The following DEFB123 variants were observed in gnomAD, a reference collection of about 807,000 sequenced individuals.
DEFB123 encodes beta-defensin 123.
For missense variants in DEFB123, 71 were observed against 75.0 expected, an observed-to-expected ratio of 0.95 and a Z score of 0.20; for synonymous variants, 22 against 28.3, an observed-to-expected ratio of 0.78 and a Z score of 0.71.
At chr20:31,442,316 G>A (rs182539800) in intron 1 of DEFB123, among the ~76,000 whole-genome samples, 8 of 152,252 alleles carry the variant, frequency 5.3e-5, no homozygotes, top group African/African-American at 1.9e-4. Flanking sequence ...CTGGTTACAG[G>A]GAAAAGTAAC....
intron 1 of DEFB123, among the ~76,000 whole-genome samples, chr20:31,445,411 T>A (rs112692260): frequency 4.9e-4 from 75 of 152,356 alleles, no homozygotes; most frequent in African/African-American, 1.8e-3. Flanking sequence ...CCTCATTGTC[T>A]ACTATTTGAT....
intron 1 of DEFB123, among the ~76,000 whole-genome samples, chr20:31,446,286 A>G (rs1014877681): frequency 4.6e-5 from 7 of 152,360 alleles, no homozygotes; most frequent in African/African-American, 1.7e-4. Context: ...AGGAATTAAC[A>G]TCAGGCCTAG....
intron 1 of DEFB123, among the ~76,000 whole-genome samples, chr20:31,448,815 G>A (rs1424355499): frequency 2.0e-5 from 3 of 151,346 alleles, no homozygotes; most frequent in Admixed American, 6.6e-5. Flanking sequence ...AGGTTCAAGC[G>A]ATTCTCCTGC....
chr20:31,446,123 C>T (rs190818521), intron 1 of DEFB123, among the ~76,000 whole-genome samples: 1 of 152,198 alleles, frequency 6.6e-6, no homozygotes. Context: ...CACCAAAGGA[C>T]CTGTGGGTGG....
At chr20:31,449,163 G>C (rs990687589) in intron 1 of DEFB123, among the ~76,000 whole-genome samples, 1 of 149,740 alleles carries the variant, frequency 6.7e-6, no homozygotes, top group Non-Finnish European at 1.5e-5. Context: ...TCATTTCTGT[G>C]TTGGTTGATT....
At chr20:31,440,987 G>C (rs923560162) in intron 1 of DEFB123, among the ~76,000 whole-genome samples, 1 of 152,330 alleles carries the variant, frequency 6.6e-6, no homozygotes, top group African/African-American at 2.4e-5. Flanking sequence ...GGGAGCATGT[G>C]GGGGTGGCCT....
intron 1 of DEFB123, among the ~76,000 whole-genome samples, chr20:31,447,780 CTTT>C (rs34763122): frequency 1.6e-5 from 1 of 64,488 alleles, no homozygotes; most frequent in Non-Finnish European, 2.6e-5. Context: ...ACACACCCGG[CTTT>C]TTTTTTTTTT....
chr20:31,444,805 T>C (rs1979546035), intron 1 of DEFB123, among the ~76,000 whole-genome samples: 1 of 152,156 alleles, frequency 6.6e-6, no homozygotes, highest in South Asian at 2.1e-4. Flanking sequence ...GGACAGAGCA[T>C]TGACAGTCAC....
chr20:31,442,788 T>C (rs1260226987), intron 1 of DEFB123, among the ~76,000 whole-genome samples: 1 of 151,956 alleles, frequency 6.6e-6, no homozygotes, highest in Non-Finnish European at 1.5e-5. Context: ...TTTGTATTTT[T>C]AGTAGGATAC....
At chr20:31,448,532 CT>C (rs1428325846) in intron 1 of DEFB123, among the ~76,000 whole-genome samples, 4 of 117,178 alleles carry the variant, frequency 3.4e-5, no homozygotes, top group Non-Finnish European at 6.1e-5. Context: ...TGACACTCTG[CT>C]CTTTTTTCCC....
intron 1 of DEFB123, among the ~76,000 whole-genome samples, 156 bp from the exon 2 acceptor site, chr20:31,449,873 A>G (rs1979693053): frequency 6.6e-6 from 1 of 152,166 alleles, no homozygotes; most frequent in African/African-American, 2.4e-5. Context: ...GCAAAAAAAC[A>G]GAGTAAAGGA....
intron 1 of DEFB123, among the ~76,000 whole-genome samples, chr20:31,441,862 A>C (rs1026785346): frequency 1.3e-5 from 2 of 152,226 alleles, no homozygotes; most frequent in Non-Finnish European, 2.9e-5. Flanking sequence ...GAGCCCCAAC[A>C]AGAAGCTCAG....
intron 1 of DEFB123, among the ~76,000 whole-genome samples, chr20:31,448,935 T>C (rs1806308589): frequency 6.8e-6 from 1 of 146,438 alleles, no homozygotes; most frequent in Admixed American, 7.0e-5. Context: ...TCCACGTTGG[T>C]CAGGCTGGTC....
In DEFB123 at chr20:31,447,898, T is replaced by C. The variant is rs923320275; in HGVS notation, c.59-2131T>C. ...GCCTCCCGGGTTCACGCCATTGTCC[T>C]GCCTCAGCCTACCAAGTAGCTGGGA... On this transcript the variant is annotated intron_variant, in intron 1 of 1. Coordinates refer to ENST00000376309, the MANE Select transcript of DEFB123 (RefSeq NM_153324.4). Among the ~76,000 whole-genome samples the C allele has an allele frequency of 3.8e-4, 56 of 149,038 alleles. 1 individual carries two copies. The highest frequency in any genetic ancestry group is 1.3e-3 in the African/African-American group (54 of 40,522).
Position 31,440,655 on chromosome 20 carries a change from G to A in DEFB123, c.-44G>A, listed in dbSNP as rs770845616. ...GCACTCTCCTTCTCCCATTAGCTCAGCCGTGGCATCGGACTTGCAGCTTCA... is the reference window on the plus strand; with the variant it reads ...GCACTCTCCTTCTCCCATTAGCTCAACCGTGGCATCGGACTTGCAGCTTCA... On this transcript the variant is annotated 5_prime_UTR_variant, in exon 1 of 2. Coordinates refer to ENST00000376309, the MANE Select transcript of DEFB123 (RefSeq NM_153324.4). 2 of 1,612,330 alleles carry A rather than the reference G, an allele frequency of 1.2e-6. No individual in the cohort carries two copies. The highest frequency in any genetic ancestry group is 1.7e-5 in the Admixed American group (1 of 60,024).
At position 31,446,697 on chromosome 20, in the gene DEFB123, A is replaced by G. The variant is rs373702720; in HGVS notation, c.59-3332A>G. On this transcript the variant is annotated intron_variant, in intron 1 of 1. Coordinates refer to ENST00000376309, the MANE Select transcript of DEFB123 (RefSeq NM_153324.4). ...CTTCACCCCAGTCTCACCTCAAATA[A>G]AAACATGCCAATTCGCACATTGTGT... is the stretch of plus-strand genomic sequence containing the variant. Among the ~76,000 whole-genome samples the G allele has an allele frequency of 1.8e-4, 28 of 152,312 alleles. No homozygotes were observed. In the East Asian group the frequency reaches 2.3e-3, roughly 13 times the overall value.
At chr20:31,449,767 C>CAAAAAA (rs59939526) in intron 1 of DEFB123, among the ~76,000 whole-genome samples, 38 of 52,498 alleles carry the variant, frequency 7.2e-4, no homozygotes, top group Admixed American at 1.3e-3. Context: ...AGACTCATCT[C>CAAAAAA]AAAAAAAAAA....
At chr20:31,443,831 G>A (rs1318253541) in intron 1 of DEFB123, among the ~76,000 whole-genome samples, 1 of 152,196 alleles carries the variant, frequency 6.6e-6, no homozygotes, top group Non-Finnish European at 1.5e-5. Flanking sequence ...TTCCTGTTGG[G>A]TATGGTAGTG....
At chr20:31,442,435 A>G (rs6059357) in intron 1 of DEFB123, among the ~76,000 whole-genome samples, 1 of 151,962 alleles carries the variant, frequency 6.6e-6, no homozygotes, top group Non-Finnish European at 1.5e-5. Flanking sequence ...GAACAAAACA[A>G]GATAAGCAAA....
Sources: gnomAD v4.1 joint callset for allele counts (sites outside exome capture counted in the v4.1 genomes callset) on GRCh38, gnomAD v4.1.1 for gene constraint, MANE v1.5 for transcripts, NCBI Gene and HGNC (gene_info 2026-07-23, HGNC 2026-07-21) for gene names.